The following GRIK2 variants were observed in gnomAD, a reference collection of about 807,000 sequenced individuals.
GRIK2 encodes the protein glutamate ionotropic receptor kainate type subunit 2.
A neutral mutation model predicts 100.3 loss-of-function variants in GRIK2; 32 were observed. That is an observed-to-expected ratio of 0.32 (90% confidence interval 0.24 to 0.43). The LOEUF is 0.43. Among genes scored for constraint, GRIK2 ranks in the 20% least tolerant of loss-of-function variants. GRIK2 has a pLI of 1.00. For missense variants in GRIK2, 843 were observed against 1,114.9 expected (o/e 0.76, Z 3.47); for synonymous variants, 417 against 389.4 (o/e 1.07, Z -0.83).
intron 2 of GRIK2, among the ~76,000 whole-genome samples, chr6:101,531,961 C>T (rs1331057474): frequency 1.3e-5 from 2 of 152,050 alleles, no homozygotes; most frequent in Middle Eastern, 3.4e-3. Context: ...TTCTTGGCTC[C>T]AGTTTTATCT....
At chr6:101,562,713 CTTG>C (rs1777080121) in intron 2 of GRIK2, among the ~76,000 whole-genome samples, 1 of 152,012 alleles carries the variant, frequency 6.6e-6, no homozygotes, top group Non-Finnish European at 1.5e-5. Flanking sequence ...TATATCTATC[CTTG>C]AATGTTCTTC....
chr6:101,919,156 G>T (rs984473668), intron 12 of GRIK2, among the ~76,000 whole-genome samples: 3 of 151,654 alleles, frequency 2.0e-5, no homozygotes, highest in African/African-American at 7.2e-5. Context: ...TAATAATTCA[G>T]TAGTTAATAG....
At chr6:101,794,606 A>C (rs1417538638) in intron 7 of GRIK2, among the ~76,000 whole-genome samples, 1 of 151,228 alleles carries the variant, frequency 6.6e-6, no homozygotes, top group Non-Finnish European at 1.5e-5. Flanking sequence ...CTATCTCTTT[A>C]TGGAACTTTT....
intron 15 of GRIK2, among the ~76,000 whole-genome samples, chr6:102,050,626 G>A (rs556798175): frequency 6.8e-6 from 1 of 147,660 alleles, no homozygotes; most frequent in South Asian, 2.1e-4. Flanking sequence ...CAGCGCCTGG[G>A]CGACAAGAGC....
At chr6:101,583,305 T>A (rs1778191417) in intron 2 of GRIK2, among the ~76,000 whole-genome samples, 1 of 152,136 alleles carries the variant, frequency 6.6e-6, no homozygotes, top group Non-Finnish European at 1.5e-5. Flanking sequence ...AATGAAGGTG[T>A]CATAAAGTCA....
chr6:101,684,828 CA>C (rs1419392582), intron 6 of GRIK2, among the ~76,000 whole-genome samples: 1 of 151,146 alleles, frequency 6.6e-6, no homozygotes, highest in Non-Finnish European at 1.5e-5. Context: ...GAAAACTTAG[CA>C]AGGCCAAATT....
intron 2 of GRIK2, among the ~76,000 whole-genome samples, chr6:101,619,427 AATT>A (rs1050867301): frequency 4.9e-4 from 74 of 151,898 alleles, no homozygotes; most frequent in African/African-American, 1.8e-3. Flanking sequence ...GTCGAATTTG[AATT>A]ATTATTTTAA....
At chr6:102,031,944 A>G (rs1770023343) in intron 14 of GRIK2, among the ~76,000 whole-genome samples, 1 of 151,356 alleles carries the variant, frequency 6.6e-6, no homozygotes, top group African/African-American at 2.4e-5. Context: ...AGGAAGAGAG[A>G]GATCAGAAGT....
chr6:101,448,274 C>T (rs1770485704), intron 2 of GRIK2, among the ~76,000 whole-genome samples: 1 of 151,590 alleles, frequency 6.6e-6, no homozygotes. Context: ...CTTTTGATTT[C>T]AAACATTAAA....
intron 4 of GRIK2, among the ~76,000 whole-genome samples, chr6:101,632,623 T>G (rs1407713166): frequency 6.6e-6 from 1 of 152,160 alleles, no homozygotes; most frequent in Non-Finnish European, 1.5e-5. Context: ...TGATTTCAAC[T>G]GCAGTTAAAC....
At chr6:101,458,980 A>AC (rs1190632427) in intron 2 of GRIK2, among the ~76,000 whole-genome samples, 1 of 152,158 alleles carries the variant, frequency 6.6e-6, no homozygotes, top group African/African-American at 2.4e-5. Flanking sequence ...ATTTTCAGAA[A>AC]CCACAAAAAT....
At chr6:101,716,674 C>T (rs1229565353) in intron 7 of GRIK2, among the ~76,000 whole-genome samples, 6 of 151,498 alleles carry the variant, frequency 4.0e-5, no homozygotes, top group Admixed American at 4.0e-4. Context: ...GGGTGCAGCA[C>T]ACCAACATGG....
chr6:101,589,587 C>T (rs1666242571), intron 2 of GRIK2, among the ~76,000 whole-genome samples: 1 of 152,102 alleles, frequency 6.6e-6, no homozygotes, highest in Non-Finnish European at 1.5e-5. Flanking sequence ...TTTCACTTAA[C>T]ATAATGTCCT....
intron 14 of GRIK2, among the ~76,000 whole-genome samples, chr6:101,981,626 C>A (rs535045577): frequency 1.3e-5 from 2 of 151,642 alleles, no homozygotes; most frequent in South Asian, 4.2e-4. Flanking sequence ...TCTAGGAATT[C>A]AAAAAATGAT....
At chr6:101,663,019 A>G (rs148515315) in intron 4 of GRIK2, among the ~76,000 whole-genome samples, 1 of 152,312 alleles carries the variant, frequency 6.6e-6, no homozygotes, top group East Asian at 1.9e-4. Flanking sequence ...ACAAGAAGAT[A>G]AAATAAAACC....
At chr6:101,870,717 A>G (rs1406749536) in intron 11 of GRIK2, among the ~76,000 whole-genome samples, 1 of 150,838 alleles carries the variant, frequency 6.6e-6, no homozygotes, top group Non-Finnish European at 1.5e-5. Context: ...TTTCCTTCAG[A>G]AAAAAAAATT....
intron 7 of GRIK2, among the ~76,000 whole-genome samples, chr6:101,765,382 A>G (rs1290598231): frequency 1.3e-5 from 2 of 152,090 alleles, no homozygotes; most frequent in Non-Finnish European, 2.9e-5. Flanking sequence ...GTGCTTTTTT[A>G]ATGTGTGTTT....
intron 13 of GRIK2, 94 bp downstream of exon 13, chr6:101,924,813 G>A (rs1789781506): frequency 2.6e-6 from 2 of 766,838 alleles, no homozygotes; most frequent in Non-Finnish European, 2.3e-6. Context: ...TTGCATGGGT[G>A]CCTCTGTGCA....
At chr6:101,833,586 T>G (rs1451107002) in intron 10 of GRIK2, among the ~76,000 whole-genome samples, 1 of 152,154 alleles carries the variant, frequency 6.6e-6, no homozygotes, top group Non-Finnish European at 1.5e-5. Flanking sequence ...ATTTATACTT[T>G]TTCAATAAAT....
Sources: allele counts gnomAD v4.1 joint callset (sites outside exome capture counted in the v4.1 genomes callset), GRCh38; gene constraint gnomAD v4.1.1; transcripts MANE v1.5; gene names NCBI Gene and HGNC (gene_info 2026-07-23, HGNC 2026-07-21).